The following MTMR2 variants were observed in gnomAD, a reference collection of about 807,000 sequenced individuals.
MTMR2 encodes myotubularin related protein 2.
Under a neutral mutation model 86.9 loss-of-function variants are expected in MTMR2, and 55 were observed. The ratio of observed to expected loss-of-function variants is 0.63; its 90% CI spans 0.51 to 0.79. The LOEUF is 0.79. MTMR2 is among the 30% of genes least tolerant of loss of function. The probability of loss-of-function intolerance (pLI) is 0.00; values close to 1 mark genes in which losing one functional copy is unlikely to be tolerated. For synonymous variants in MTMR2, 241 were observed against 266.8 expected (o/e 0.90, Z 0.94); for missense variants, 659 against 772.3 (o/e 0.85, Z 1.74).
chr11:95,916,284 A>G (rs1198615196), intron 1 of MTMR2, among the ~76,000 whole-genome samples: 1 of 152,186 alleles, frequency 6.6e-6, no homozygotes, highest in South Asian at 2.1e-4. Context: ...GGCCTCACAG[A>G]TGAGACTGCC....
intron 13 of MTMR2, among the ~76,000 whole-genome samples, chr11:95,837,609 A>G (rs1257006594): frequency 2.6e-5 from 4 of 152,054 alleles, no homozygotes; most frequent in Non-Finnish European, 4.4e-5. Flanking sequence ...AACTTTCTAC[A>G]TACTATCTTT....
At chr11:95,844,690 C>T (rs1863696255) in intron 11 of MTMR2, among the ~76,000 whole-genome samples, 3 of 152,224 alleles carry the variant, frequency 2.0e-5, no homozygotes, top group South Asian at 2.1e-4. Flanking sequence ...CAGAAACACC[C>T]GTGGACATCA....
At chr11:95,874,319 T>C (rs969638455) in intron 2 of MTMR2, among the ~76,000 whole-genome samples, 3 of 152,262 alleles carry the variant, frequency 2.0e-5, no homozygotes, top group African/African-American at 7.2e-5. Context: ...TTAGCTCTTC[T>C]TGTTGAATTG....
At chr11:95,886,934 T>A (rs914466806) in intron 2 of MTMR2, among the ~76,000 whole-genome samples, 2 of 152,176 alleles carry the variant, frequency 1.3e-5, no homozygotes, top group Non-Finnish European at 2.9e-5. Context: ...CTGCCCTTTG[T>A]ATGCTTCAAG....
At chr11:95,882,169 A>G (rs1171897116) in intron 2 of MTMR2, among the ~76,000 whole-genome samples, 1 of 152,138 alleles carries the variant, frequency 6.6e-6, no homozygotes, top group Non-Finnish European at 1.5e-5. Flanking sequence ...GCATATTTTC[A>G]GTACATGTCA....
chr11:95,888,170 A>G lies in MTMR2; in HGVS notation c.172T>C (p.Ser58Pro). 6.2e-7 allele frequency: 1 copy of G among 1,611,818 alleles called. No homozygotes were observed. Among genetic ancestry groups the G allele is most frequent in the Non-Finnish European group, 8.5e-7 (1 of 1,178,200 alleles). ...DSISTSADNF[S>P]PDLRVLRESN... ...AGTATACATACCCTCAAATCAGGAG[A>G]AAAGTTGTCGGCAGAAGTTGAAATG... The change falls in exon 2 of 15, where the codon TCT becomes CCT. Residue 58 changes from serine (S) to proline (P), a missense_variant. Ser to Pro is a moderately conservative substitution (Grantham distance 74). Transcript: ENST00000346299.
chr11:95,855,462 C>T (rs516551), intron 7 of MTMR2, among the ~76,000 whole-genome samples: 42,064 of 150,952 alleles, frequency 0.28, 7,025 homozygotes, highest in Non-Finnish European at 0.38. Flanking sequence ...ATGTTGCCCA[C>T]GCTGGTCTCA....
At chr11:95,847,337 A>G (rs1390825176) in intron 10 of MTMR2, among the ~76,000 whole-genome samples, 2 of 152,192 alleles carry the variant, frequency 1.3e-5, no homozygotes, top group Non-Finnish European at 2.9e-5. Context: ...TGGTTGACAC[A>G]CAAAAGCAAA....
intron 2 of MTMR2, among the ~76,000 whole-genome samples, chr11:95,870,732 T>TTTC (rs1394650199): frequency 1.8e-4 from 20 of 111,924 alleles, no homozygotes; most frequent in African/African-American, 1.4e-3. Context: ...TCTTTTTTTC[T>TTTC]TTTTCTTTTT....
At chr11:95,864,044 ATGCAAGAAAAAGAG>A (rs1189686122) in intron 3 of MTMR2, among the ~76,000 whole-genome samples, 1 of 152,180 alleles carries the variant, frequency 6.6e-6, no homozygotes, top group Non-Finnish European at 1.5e-5. Flanking sequence ...GAGAGAGAGA[ATGCAAGAAAAAGAG>A]TAAGTTTGGA....
chr11:95,873,789 G>C (rs1441325008), intron 2 of MTMR2, among the ~76,000 whole-genome samples: 1 of 152,062 alleles, frequency 6.6e-6, no homozygotes. Context: ...ATTCTGGTAT[G>C]TTGTGTCTTT....
intron 7 of MTMR2, among the ~76,000 whole-genome samples, chr11:95,856,248 A>AG (rs11375168): frequency 1 from 152,151 of 152,152 alleles, 76,075 homozygotes; most frequent in Non-Finnish European, 1. Context: ...AGGGGGACAC[A>AG]GGTTGTCCTG....
At chr11:95,893,224 C>T (rs1865771126) in intron 1 of MTMR2, among the ~76,000 whole-genome samples, 1 of 152,104 alleles carries the variant, frequency 6.6e-6, no homozygotes, top group Admixed American at 6.6e-5. Context: ...CAAAATTCCT[C>T]AATTCCTACA....
intron 12 of MTMR2, among the ~76,000 whole-genome samples, chr11:95,838,628 A>T (rs1389093576): frequency 2.0e-5 from 3 of 152,108 alleles, no homozygotes; most frequent in African/African-American, 7.2e-5. Flanking sequence ...TCTAAGGCAG[A>T]TAATTTACAA....
intron 1 of MTMR2, among the ~76,000 whole-genome samples, chr11:95,910,143 A>C (rs917182370): frequency 6.6e-6 from 1 of 151,640 alleles, no homozygotes; most frequent in Non-Finnish European, 1.5e-5. Context: ...ACACACACAC[A>C]CACACCCTAC....
intron 1 of MTMR2, among the ~76,000 whole-genome samples, chr11:95,906,504 C>T (rs767082388): frequency 7.9e-5 from 12 of 152,114 alleles, no homozygotes; most frequent in South Asian, 4.1e-4. Flanking sequence ...AAGAAACTAA[C>T]GAAGATATTC....
chr11:95,840,632 AAC>A (rs894463346), intron 12 of MTMR2, among the ~76,000 whole-genome samples: 3 of 152,150 alleles, frequency 2.0e-5, no homozygotes, highest in African/African-American at 7.2e-5. Flanking sequence ...CATTTAACCC[AAC>A]AGTTTCTAAA....
intron 7 of MTMR2, 78 bp downstream of exon 7, chr11:95,857,474 C>T (rs1004796875): frequency 3.6e-5 from 35 of 985,744 alleles, no homozygotes; most frequent in Non-Finnish European, 5.2e-5. Context: ...TGCTGGTTTT[C>T]GTACATGGTT....
Position 95,858,576 on chromosome 11 carries a change from T to C in MTMR2, c.525A>G (p.Ile175Met). Residue 175 changes from isoleucine to methionine, a missense_variant, in exon 6 of 15, where the codon ATA becomes ATG. Ile to Met is a conservative substitution (Grantham distance 10). Coordinates refer to ENST00000346299, the MANE Select transcript of MTMR2 (RefSeq NM_016156.6). ...ATGCATATTTCATTAGATTCTCAAATATGGATCTTCTTGTCCGCCCCTCAG... is the reference window on the plus strand; with the variant it reads ...ATGCATATTTCATTAGATTCTCAAACATGGATCTTCTTGTCCGCCCCTCAG... ...HKPEGRTRRS[I>M]FENLMKYAFP... 3 of 1,613,096 alleles carry C rather than the reference T, an allele frequency of 1.9e-6. No homozygotes were observed. The highest frequency in any genetic ancestry group is 1.7e-5 in the Admixed American group (1 of 60,020).
Sources: gnomAD v4.1 joint callset for allele counts (sites outside exome capture counted in the v4.1 genomes callset) on GRCh38, gnomAD v4.1.1 for gene constraint, MANE v1.5 for transcripts, NCBI Gene and HGNC (gene_info 2026-07-23, HGNC 2026-07-21) for gene names.